The following FBXW7 variants were observed in gnomAD, a reference collection of about 807,000 sequenced individuals.
FBXW7 encodes F-box/WD repeat-containing protein 7.
In FBXW7, 11 loss-of-function variants were observed where a neutral mutation model predicts 86.3. The observed-to-expected ratio is 0.13, with a 90% CI of 0.08 to 0.21. The LOEUF is 0.21. Among genes scored for constraint, FBXW7 ranks in the 10% least tolerant of loss-of-function variants. The probability of loss-of-function intolerance (pLI) is 1.00; values close to 1 mark genes in which losing one functional copy is unlikely to be tolerated. For missense variants in FBXW7, 488 were observed against 847.4 expected (o/e 0.58, Z 5.27); for synonymous variants, 313 against 297.9 (o/e 1.05, Z -0.52).
intron 2 of FBXW7, among the ~76,000 whole-genome samples, chr4:152,450,391 A>G (rs779207554): frequency 1.3e-5 from 2 of 152,224 alleles, no homozygotes; most frequent in Non-Finnish European, 2.9e-5. Flanking sequence ...CTATTCATCG[A>G]AAGAGCACAT....
intron 2 of FBXW7, among the ~76,000 whole-genome samples, chr4:152,509,048 A>C (rs569198203): frequency 6.6e-6 from 1 of 152,226 alleles, no homozygotes; most frequent in African/African-American, 2.4e-5. Flanking sequence ...ATTACTGACC[A>C]GTACTCTTCC....
At chr4:152,374,693 T>C (rs1734325328) in intron 4 of FBXW7, among the ~76,000 whole-genome samples, 1 of 152,128 alleles carries the variant, frequency 6.6e-6, no homozygotes, top group Non-Finnish European at 1.5e-5. Context: ...AGTTGTCATA[T>C]AACATCATTG....
At chr4:152,440,832 C>T (rs1008140849) in intron 2 of FBXW7, among the ~76,000 whole-genome samples, 12 of 152,094 alleles carry the variant, frequency 7.9e-5, no homozygotes, top group African/African-American at 2.4e-4. Context: ...TCATTTGGAC[C>T]CTGACTGTTC....
intron 2 of FBXW7, among the ~76,000 whole-genome samples, chr4:152,502,336 C>G (rs538329056): frequency 6.6e-6 from 1 of 152,242 alleles, no homozygotes; most frequent in South Asian, 2.1e-4. Context: ...ATATTATACT[C>G]CACATCTCAG....
chr4:152,327,895 G>A (rs1334097826), intron 11 of FBXW7, among the ~76,000 whole-genome samples: 1 of 151,822 alleles, frequency 6.6e-6, no homozygotes, highest in Non-Finnish European at 1.5e-5. Flanking sequence ...AAAAAAGAGA[G>A]AGAAAACATG....
Position 152,535,795 on chromosome 4 carries a change from C to A in FBXW7, c.-881G>T. ...GCCCGTGGTAGCCGCCTCCCTGCCC[C>A]CCAAGCCGCCGGCTCCGGCTCAGGC... is the stretch of plus-strand genomic sequence containing the variant. On this transcript the variant is annotated 5_prime_UTR_variant, in exon 1 of 14. Coordinates refer to ENST00000281708, the MANE Select transcript of FBXW7 (RefSeq NM_001349798.2). The A allele has an allele frequency of 2.5e-6, 1 of 393,840 alleles. No individual in the cohort carries two copies. The highest frequency in any genetic ancestry group is 4.5e-6 in the Non-Finnish European group (1 of 223,542). The allele number at this position is 393,840 out of a possible 1,614,324, so 24.4% of individuals were successfully genotyped here.
chr4:152,387,689 G>GA (rs1553966636), intron 4 of FBXW7, among the ~76,000 whole-genome samples: 1 of 119,870 alleles, frequency 8.3e-6, no homozygotes, highest in Non-Finnish European at 1.7e-5. Context: ...GGGCATCAAA[G>GA]AAAAAAAACA....
At chr4:152,354,990 G>A (rs575497686) in intron 4 of FBXW7, among the ~76,000 whole-genome samples, 2 of 152,158 alleles carry the variant, frequency 1.3e-5, no homozygotes, top group South Asian at 4.1e-4. Context: ...GTCTTCCCAA[G>A]TATTTAAACA....
At chr4:152,494,450 A>T (rs1300898324) in intron 2 of FBXW7, among the ~76,000 whole-genome samples, 1 of 152,228 alleles carries the variant, frequency 6.6e-6, no homozygotes, top group Non-Finnish European at 1.5e-5. Flanking sequence ...AGGGTCTGTG[A>T]TCAACAATCA....
intron 2 of FBXW7, among the ~76,000 whole-genome samples, chr4:152,426,724 G>C (rs894784086): frequency 1.3e-5 from 2 of 152,164 alleles, no homozygotes; most frequent in Non-Finnish European, 2.9e-5. Flanking sequence ...AAGTGTAGTG[G>C]GCCCTCAGCC....
intron 2 of FBXW7, among the ~76,000 whole-genome samples, chr4:152,451,026 T>TGTG (rs1741861891): frequency 1.3e-5 from 2 of 152,218 alleles, no homozygotes; most frequent in South Asian, 4.1e-4. Flanking sequence ...TCAGCTAATT[T>TGTG]GATGTATAGT....
chr4:152,327,958 T>C (rs1424539303), intron 11 of FBXW7, among the ~76,000 whole-genome samples: 1 of 151,762 alleles, frequency 6.6e-6, no homozygotes, highest in African/African-American at 2.4e-5. Context: ...CAAAAAGGAT[T>C]AGAGATTAGA....
Position 152,346,912 on chromosome 4 carries a change from T to C in FBXW7, c.726+18A>G, listed in dbSNP as rs2126633872. The C allele has an allele frequency of 6.2e-7, 1 of 1,609,938 alleles. No individual in the cohort carries two copies. The highest frequency in any genetic ancestry group is 1.7e-5 in the Admixed American group (1 of 59,080). On this transcript the variant is annotated intron_variant, in intron 6 of 13. Transcript: ENST00000281708. ...CAATTAAGTGAGGCATTTCAAGTACTATGTTTAGATATGTCACCTGAAACA... is the reference window on the plus strand; with the variant it reads ...CAATTAAGTGAGGCATTTCAAGTACCATGTTTAGATATGTCACCTGAAACA...
chr4:152,468,817 T>C (rs1743686193), intron 2 of FBXW7, among the ~76,000 whole-genome samples: 2 of 152,014 alleles, frequency 1.3e-5, no homozygotes, highest in Admixed American at 1.3e-4. Context: ...GACGACTGCT[T>C]CCCTCTAACT....
chr4:152,416,420 C>T (rs1392714901), intron 2 of FBXW7, among the ~76,000 whole-genome samples: 1 of 152,056 alleles, frequency 6.6e-6, no homozygotes, highest in African/African-American at 2.4e-5. Context: ...AATCATTTTT[C>T]CCTCTGTATC....
intron 7 of FBXW7, among the ~76,000 whole-genome samples, chr4:152,336,660 G>A (rs1578909461): frequency 6.6e-6 from 1 of 151,968 alleles, no homozygotes; most frequent in Admixed American, 6.6e-5. Flanking sequence ...GTTTTAGAAT[G>A]AGCCAGCAAA....
intron 4 of FBXW7, among the ~76,000 whole-genome samples, chr4:152,354,601 TA>T (rs1177355059): frequency 6.6e-6 from 1 of 152,106 alleles, no homozygotes; most frequent in African/African-American, 2.4e-5. Flanking sequence ...CTTTTCAAAT[TA>T]AATCTACTCA....
intron 4 of FBXW7, among the ~76,000 whole-genome samples, chr4:152,394,780 T>A (rs915457461): frequency 6.6e-6 from 1 of 152,074 alleles, no homozygotes; most frequent in Admixed American, 6.6e-5. Flanking sequence ...ATCCTCTCAA[T>A]AACACTATGT....
intron 2 of FBXW7, among the ~76,000 whole-genome samples, chr4:152,482,589 T>TG (rs1744981213): frequency 6.6e-6 from 1 of 152,164 alleles, no homozygotes; most frequent in South Asian, 2.1e-4. Context: ...TAAGACATCT[T>TG]GAATTCTTTC....
Sources: allele counts gnomAD v4.1 joint callset (sites outside exome capture counted in the v4.1 genomes callset), GRCh38; gene constraint gnomAD v4.1.1; transcripts MANE v1.5; gene names NCBI Gene and HGNC (gene_info 2026-07-23, HGNC 2026-07-21).